ARHGAP17: variants seen among roughly 807,000 people sequenced by gnomAD.
ARHGAP17 encodes Rho GTPase activating protein 17.
Under a neutral mutation model 99.5 loss-of-function variants are expected in ARHGAP17, and 57 were observed. The ratio of observed to expected loss-of-function variants is 0.57; its 90% CI spans 0.46 to 0.71. ARHGAP17 has a LOEUF of 0.71. Among genes scored for constraint, ARHGAP17 ranks in the 30% least tolerant of loss-of-function variants. The pLI is 0.00. For synonymous variants in ARHGAP17, 417 were observed against 429.6 expected (o/e 0.97, Z 0.36); for missense variants, 1,000 against 1,122.4 (o/e 0.89, Z 1.56).
chr16:24,989,083 A>T (rs1265924157), intron 1 of ARHGAP17, among the ~76,000 whole-genome samples: 10 of 152,240 alleles, frequency 6.6e-5, no homozygotes, highest in Non-Finnish European at 1.5e-5. Context: ...AGGCAGCCAG[A>T]GGCTAGGAGG....
chr16:24,967,189 C>T (rs1014826297), intron 6 of ARHGAP17, among the ~76,000 whole-genome samples: 3 of 152,210 alleles, frequency 2.0e-5, no homozygotes, highest in African/African-American at 7.2e-5. Flanking sequence ...CCTAAATATA[C>T]CTTTTCTCAT....
rs2052598218 is a variant in ARHGAP17, at chr16:24,978,972, T to C, written c.87A>G (p.Leu29=). The stretch of plus-strand genomic sequence containing the variant: ...GGAGACTATATTTTGTTACCTGTAA[T>C]AGATCTTCACTAAGGACTTCTGTTT... The part of the protein sequence containing the change: ...AEKTEVLSED[L]LQIERRLDTV... The change falls in exon 2 of 20, where the codon CTA becomes CTG. Residue 29 remains leucine, a synonymous_variant. Coordinates refer to ENST00000289968, the MANE Select transcript of ARHGAP17 (RefSeq NM_001006634.3). 3.1e-6 allele frequency: 5 copies of C among 1,590,616 alleles called. No individual in the cohort carries two copies. Among genetic ancestry groups the C allele is most frequent in the South Asian group, 1.2e-5 (1 of 86,002 alleles).
At chr16:24,982,898 A>C (rs2052715231) in intron 1 of ARHGAP17, among the ~76,000 whole-genome samples, 1 of 147,726 alleles carries the variant, frequency 6.8e-6, no homozygotes, top group South Asian at 2.1e-4. Flanking sequence ...ATTCGTCAAG[A>C]CATCTATAGA....
At chr16:24,989,770 A>G (rs1002302638) in intron 1 of ARHGAP17, among the ~76,000 whole-genome samples, 1 of 152,234 alleles carries the variant, frequency 6.6e-6, no homozygotes, top group Admixed American at 6.5e-5. Flanking sequence ...AGAAAGATAT[A>G]TACCACATGT....
rs565486454 is a variant in ARHGAP17, at chr16:24,998,070, A to G, written c.53+17139T>C. ...GGAGAACCAGGGCAGGGGACAGGATAGGAGTCCCCAGGGAGGGCAGGGAAG... is the reference window on the plus strand; with the variant it reads ...GGAGAACCAGGGCAGGGGACAGGATGGGAGTCCCCAGGGAGGGCAGGGAAG... On this transcript the variant is annotated intron_variant, in intron 1 of 19. Coordinates refer to ENST00000289968, the MANE Select transcript of ARHGAP17 (RefSeq NM_001006634.3). Among the ~76,000 whole-genome samples, 16 of 152,060 alleles carry G rather than the reference A, an allele frequency of 1.1e-4. No homozygotes were observed. The South Asian group carries it at 3.3e-3, about 32-fold the overall frequency.
intron 1 of ARHGAP17, among the ~76,000 whole-genome samples, chr16:24,988,873 T>C (rs777103691): frequency 4.6e-5 from 7 of 152,312 alleles, no homozygotes; most frequent in Middle Eastern, 3.4e-3. Flanking sequence ...CCAAGTGCCT[T>C]ATTCCCCAGC....
chr16:24,997,952 C>G (rs1365713690), intron 1 of ARHGAP17, among the ~76,000 whole-genome samples: 1 of 152,092 alleles, frequency 6.6e-6, no homozygotes, highest in Non-Finnish European at 1.5e-5. Context: ...CTGTGAGGAC[C>G]AGCAGCAAAC....
At position 24,991,166 on chromosome 16, in the gene ARHGAP17, T is replaced by C. The variant is rs189651303; in HGVS notation, c.54-12161A>G. Among the ~76,000 whole-genome samples the C allele has an allele frequency of 1.5e-3, 233 of 152,296 alleles. 1 individual carries two copies. Among genetic ancestry groups the C allele is most frequent in the African/African-American group, 5.5e-3 (228 of 41,564 alleles). On this transcript the variant is annotated intron_variant, in intron 1 of 19. Transcript: ENST00000289968. ...CATACCAGACTTTGAAACCCAAGGC[T>C]AGACGTTCACATGTGCACCTTACTA...
chr16:24,940,424 A>T (rs1351904413), intron 16 of ARHGAP17, among the ~76,000 whole-genome samples: 1 of 152,196 alleles, frequency 6.6e-6, no homozygotes, highest in African/African-American at 2.4e-5. Flanking sequence ...TGGGCATGGT[A>T]GCTCACACCT....
intron 3 of ARHGAP17, among the ~76,000 whole-genome samples, chr16:24,970,971 G>A (rs960293376): frequency 6.6e-6 from 1 of 152,122 alleles, no homozygotes. Context: ...CACCTTCCAG[G>A]TTCAAGCAAC....
intron 17 of ARHGAP17, chr16:24,936,184 G>C (rs182467746): frequency 5.6e-5 from 9 of 160,378 alleles, no homozygotes; most frequent in African/African-American, 2.2e-4. Flanking sequence ...ATGATAAAGG[G>C]CTTGATTATT....
chr16:24,952,413 G>C (rs745879654), intron 11 of ARHGAP17, 43 bp from the exon 12 acceptor site: 2 of 1,485,886 alleles, frequency 1.3e-6, no homozygotes, highest in South Asian at 1.2e-5. Flanking sequence ...AAAGGGGTAA[G>C]GCTAGGAATC....
intron 16 of ARHGAP17, chr16:24,939,835 C>A (rs1053957068): frequency 3.2e-5 from 18 of 560,322 alleles, no homozygotes; most frequent in Admixed American, 6.4e-5. Context: ...TGGGTGTGAG[C>A]AGCTAAAAGC....
chr16:24,953,701 A>G (rs1048831423), intron 10 of ARHGAP17, among the ~76,000 whole-genome samples: 1 of 152,190 alleles, frequency 6.6e-6, no homozygotes, highest in African/African-American at 2.4e-5. Flanking sequence ...ACCCAGGCTC[A>G]GGTAGTTCTT....
chr16:24,933,061 A>G (rs935018438), intron 18 of ARHGAP17, among the ~76,000 whole-genome samples: 7 of 152,178 alleles, frequency 4.6e-5, no homozygotes, highest in African/African-American at 1.2e-4. Flanking sequence ...AGGCTTGAAG[A>G]GGGCCAGTGT....
chr16:25,004,097 A>G (rs2053445183), intron 1 of ARHGAP17, among the ~76,000 whole-genome samples: 1 of 152,058 alleles, frequency 6.6e-6, no homozygotes, highest in Non-Finnish European at 1.5e-5. Flanking sequence ...GACTATCTCT[A>G]CCCTTGGAAT....
intron 4 of ARHGAP17, among the ~76,000 whole-genome samples, chr16:24,968,991 G>A (rs1243524554): frequency 1.3e-5 from 2 of 152,244 alleles, no homozygotes; most frequent in African/African-American, 4.8e-5. Flanking sequence ...CTTTGTGTGT[G>A]TGGGTGGCAG....
At chr16:24,966,768 G>A (rs2052198973) in intron 6 of ARHGAP17, among the ~76,000 whole-genome samples, 1 of 152,102 alleles carries the variant, frequency 6.6e-6, no homozygotes, top group Non-Finnish European at 1.5e-5. Flanking sequence ...CAGGTGACAG[G>A]GAACATCACA....
At chr16:24,963,049 A>G (rs74729944) in intron 7 of ARHGAP17, among the ~76,000 whole-genome samples, 5,692 of 152,310 alleles carry the variant, frequency 0.037, 339 homozygotes, top group African/African-American at 0.13. Flanking sequence ...ACATCAGCCC[A>G]TGATGACTTC....
Sources: gnomAD v4.1 joint callset for allele counts (sites outside exome capture counted in the v4.1 genomes callset) on GRCh38, gnomAD v4.1.1 for gene constraint, MANE v1.5 for transcripts, NCBI Gene and HGNC (gene_info 2026-07-23, HGNC 2026-07-21) for gene names.